The following ABHD5 variants were observed in gnomAD, a reference collection of about 807,000 sequenced individuals.
ABHD5 encodes abhydrolase domain containing 5, lysophosphatidic acid acyltransferase, also known as 1-acylglycerol-3-phosphate O-acyltransferase ABHD5.
ABHD5 carries 30 observed loss-of-function variants against 44.9 expected under a neutral mutation model. The ratio of observed to expected loss-of-function variants is 0.67; its 90% CI spans 0.50 to 0.91. ABHD5 has a LOEUF of 0.91. Among genes scored for constraint, ABHD5 ranks in the 40% least tolerant of loss-of-function variants. The pLI is 0.00. For missense variants in ABHD5, 399 were observed against 423.4 expected (o/e 0.94, Z 0.50); for synonymous variants, 167 against 147.0 (o/e 1.14, Z -0.99).
chr3:43,691,206 C>G, intron 1 of ABHD5, 167 bp downstream of exon 1: 1 of 573,926 alleles, frequency 1.7e-6, no homozygotes. Context: ...AGAGGCGTCC[C>G]GGCGCCGCTC....
intron 2 of ABHD5, among the ~76,000 whole-genome samples, chr3:43,700,324 A>G (rs1448043057): frequency 6.6e-6 from 1 of 152,054 alleles, no homozygotes; most frequent in Non-Finnish European, 1.5e-5. Flanking sequence ...ATTCCAAGGT[A>G]TCTGTGGGTG....
chr3:43,716,200 T>G (rs1303619792), intron 5 of ABHD5, among the ~76,000 whole-genome samples: 1 of 152,102 alleles, frequency 6.6e-6, no homozygotes, highest in Non-Finnish European at 1.5e-5. Flanking sequence ...GCATCAAGAA[T>G]AGAGTGCAAA....
intron 3 of ABHD5, among the ~76,000 whole-genome samples, chr3:43,704,966 T>C (rs1213073092): frequency 6.6e-6 from 1 of 152,190 alleles, no homozygotes; most frequent in African/African-American, 2.4e-5. Context: ...TTCAAGCTTA[T>C]ATTCTTAACT....
intron 1 of ABHD5, among the ~76,000 whole-genome samples, chr3:43,696,312 T>C (rs2084473627): frequency 6.6e-6 from 1 of 152,248 alleles, no homozygotes; most frequent in Non-Finnish European, 1.5e-5. Flanking sequence ...GGAAGAGGCA[T>C]TGAATCTAGT....
At chr3:43,727,236 T>G (rs747793393), downstream of ABHD5, among the ~76,000 whole-genome samples, 4 of 152,204 alleles carry the variant, frequency 2.6e-5, no homozygotes, top group Admixed American at 6.5e-5. Flanking sequence ...ATTTCAAATG[T>G]TAACTCCCTT....
chr3:43,692,980 CT>C (rs1302158650), intron 1 of ABHD5, among the ~76,000 whole-genome samples: 6 of 152,244 alleles, frequency 3.9e-5, no homozygotes, highest in African/African-American at 1.4e-4. Context: ...TTGTCCTTTG[CT>C]TTGTGGCACT....
chr3:43,691,064 C>G, intron 1 of ABHD5, 25 bp downstream of exon 1: 1 of 1,530,404 alleles, frequency 6.5e-7, no homozygotes, highest in Non-Finnish European at 8.8e-7. Context: ...CAGGGGGCTT[C>G]GTGTGTCTCC....
intron 2 of ABHD5, chr3:43,699,611 A>C: frequency 2.3e-6 from 1 of 425,556 alleles, no homozygotes; most frequent in Non-Finnish European, 4.4e-6. Context: ...AGATTTGTTT[A>C]TGGGCTTATT....
intron 1 of ABHD5, 146 bp downstream of exon 1, chr3:43,691,185 G>T: frequency 1.3e-6 from 1 of 780,994 alleles, no homozygotes; most frequent in Non-Finnish European, 1.8e-6. Flanking sequence ...GCATGAGTCC[G>T]CGCGGCGCCC....
intron 4 of ABHD5, among the ~76,000 whole-genome samples, chr3:43,713,212 G>A (rs1019340272): frequency 6.6e-6 from 1 of 151,660 alleles, no homozygotes; most frequent in Non-Finnish European, 1.5e-5. Flanking sequence ...CAGCTACTCA[G>A]GAGAGGAGGC....
Position 43,719,648 on chromosome 3 carries a change from T to C in ABHD5, c.*1116T>C, listed in dbSNP as rs1191667767. The C allele has an allele frequency of 6.6e-6, 1 of 152,142 alleles. No individual in the cohort carries two copies. The highest frequency in any genetic ancestry group is 1.5e-5 in the Non-Finnish European group (1 of 68,014). The allele number at this position is 152,142 out of a possible 1,614,324, so 9.4% of individuals were successfully genotyped here. A position where few individuals can be genotyped will look rare whatever the true frequency, so the allele number is the denominator to read the frequency against. On this transcript the variant is annotated 3_prime_UTR_variant, in exon 7 of 7. Transcript: ENST00000644371. The stretch of plus-strand genomic sequence containing the variant: ...AAATTCTAGAAGGTTGATTGAACTA[T>C]TTTTTTAGGAACTACCATCAAGTGT...
At position 43,714,627 on chromosome 3, in the gene ABHD5, C is replaced by T. The variant is rs547935910; in HGVS notation, c.662-320C>T. Among the ~76,000 whole-genome samples, 46 of 152,274 alleles carry T rather than the reference C, an allele frequency of 3.0e-4. No homozygotes were observed. In the South Asian group the frequency reaches 9.5e-3, roughly 32 times the overall value. Reference sequence around the variant, plus strand: ...AAGTTATTACATTAATTTTTACGTACGAGCTACTCGCCACGTTTAAAGAAT... The same window carrying T: ...AAGTTATTACATTAATTTTTACGTATGAGCTACTCGCCACGTTTAAAGAAT... On this transcript the variant is annotated intron_variant, in intron 4 of 6. Coordinates refer to ENST00000644371, the MANE Select transcript of ABHD5 (RefSeq NM_016006.6).
intron 2 of ABHD5, chr3:43,699,614 G>C (rs962310822): frequency 5.1e-6 from 2 of 391,780 alleles, no homozygotes; most frequent in African/African-American, 4.0e-5. Flanking sequence ...TTTGTTTATG[G>C]GCTTATTATC....
intron 3 of ABHD5, chr3:43,707,736 C>G (rs899347165): frequency 6.6e-6 from 1 of 152,356 alleles, no homozygotes; most frequent in African/African-American, 2.4e-5. Flanking sequence ...TCAAGTGATT[C>G]TCGTGCCTCA....
intron 3 of ABHD5, among the ~76,000 whole-genome samples, chr3:43,704,766 C>T (rs2084594190): frequency 6.6e-6 from 1 of 152,180 alleles, no homozygotes; most frequent in Non-Finnish European, 1.5e-5. Context: ...CTGCATTGGA[C>T]TAATAATATT....
Position 43,705,625 on chromosome 3 carries a change from C to G in ABHD5, c.506+3038C>G, listed in dbSNP as rs150186931. ...CCTGTTCTAATAGACCAGATAATACCCCATTGTAGCATATAATATAGGAAG... is the reference window on the plus strand; with the variant it reads ...CCTGTTCTAATAGACCAGATAATACGCCATTGTAGCATATAATATAGGAAG... On this transcript the variant is annotated intron_variant, in intron 3 of 6. Transcript: ENST00000644371. 8.5e-3 allele frequency among the ~76,000 whole-genome samples: 1,296 copies of G among 152,060 alleles called. 10 individuals carry two copies. The highest frequency in any genetic ancestry group is 0.014 in the Non-Finnish European group (941 of 67,968).
chr3:43,699,777 G>A (rs1052342795), intron 2 of ABHD5: 1 of 172,642 alleles, frequency 5.8e-6, no homozygotes, highest in African/African-American at 2.4e-5. Flanking sequence ...TCCAAACATT[G>A]TTTACATGTT....
At position 43,711,728 on chromosome 3, in the gene ABHD5, GT is replaced by G. The variant is rs765873990; in HGVS notation, c.527del (p.Val176GlyfsTer30). 6.2e-7 allele frequency: 1 copy of G among 1,614,116 alleles called. No homozygotes were observed. The highest frequency in any genetic ancestry group is 8.5e-7 in the Non-Finnish European group (1 of 1,180,016). On this transcript the variant is annotated frameshift_variant, in exon 4 of 7. Coordinates refer to ENST00000644371, the MANE Select transcript of ABHD5 (RefSeq NM_016006.6). LOFTEE classifies it high-confidence loss of function. The part of the protein sequence containing the change: ...YPSRVNHLIL[V>X]EPWGFPERPD... ...CAACAGGGTTAATCATCTCATTTTA[GT>G]GGAGCCTTGGGGTTTCCCTGAACGA...
rs568948084 is a variant in ABHD5, at chr3:43,730,884, A to G, written c.*30-2996A>G. ...CGATCTGTTGCCCAGGCTGGAGTGC[A>G]GTGGAGCAATCTTGGGTCACTGCAA... is the stretch of plus-strand genomic sequence containing the variant. On this transcript the variant is annotated intron_variant, in intron 7 of 7. Coordinates refer to the ABHD5 transcript ENST00000454293. Among the ~76,000 whole-genome samples the G allele has an allele frequency of 5.3e-5, 8 of 151,930 alleles. No individual in the cohort carries two copies. In the South Asian group the frequency reaches 1.7e-3, roughly 32 times the overall value.
Sources: allele counts gnomAD v4.1 joint callset (sites outside exome capture counted in the v4.1 genomes callset), GRCh38; gene constraint gnomAD v4.1.1; transcripts MANE v1.5; gene names NCBI Gene and HGNC (gene_info 2026-07-23, HGNC 2026-07-21).